Variants in CCDC175 observed in about 807,000 individuals in gnomAD.
CCDC175 encodes the protein coiled-coil domain-containing protein 175.
In CCDC175, 100 loss-of-function variants were observed where a neutral mutation model predicts 114.6. The ratio of observed to expected loss-of-function variants is 0.87; its 90% CI spans 0.74 to 1.03. CCDC175 has a LOEUF of 1.03. CCDC175 is among the 50% of genes least tolerant of loss of function. The pLI, the probability that CCDC175 is intolerant of heterozygous loss-of-function variation, is 0.00. For missense variants in CCDC175, 880 were observed against 917.8 expected (o/e 0.96, Z 0.53); for synonymous variants, 306 against 308.7 (o/e 0.99, Z 0.09).
intron 15 of CCDC175, among the ~76,000 whole-genome samples, chr14:59,526,081 T>G (rs1158047111): frequency 1.3e-5 from 2 of 152,214 alleles, no homozygotes; most frequent in African/African-American, 4.8e-5. Flanking sequence ...TAATGTTTCT[T>G]GAAGAAAGAA....
intron 4 of CCDC175, among the ~76,000 whole-genome samples, chr14:59,565,938 A>G (rs947961227): frequency 5.9e-5 from 9 of 152,178 alleles, no homozygotes; most frequent in Non-Finnish European, 1.3e-4. Context: ...ATGTATTGTC[A>G]TCATGTCTAT....
At position 59,572,770 on chromosome 14, in the gene CCDC175, C is replaced by T; in HGVS notation, c.287G>A (p.Ser96Asn). Residue 96 changes from serine (S) to asparagine (N), a missense_variant, in exon 3 of 20, where the codon AGC becomes AAC. Coordinates refer to ENST00000537690, the MANE Select transcript of CCDC175 (RefSeq NM_001164399.2). ...KATIDLLEIE[S>N]MELNKLYYLL... ...ATAGTATAGTTTGTTGAGTTCCATG[C>T]TTTCAATCTCCAAAAGATCGATTGT... The T allele has an allele frequency of 1.3e-6, 2 of 1,517,604 alleles. No homozygotes were observed. Among genetic ancestry groups the T allele is most frequent in the Non-Finnish European group, 1.8e-6 (2 of 1,142,152 alleles). The allele number at this position is 1,517,604 out of a possible 1,614,324, so 94.0% of individuals were successfully genotyped here. A position where few individuals can be genotyped will look rare whatever the true frequency, so the allele number is the denominator to read the frequency against.
intron 14 of CCDC175, 35 bp from the exon 15 acceptor site, chr14:59,527,209 A>T (rs1233619433): frequency 9.1e-7 from 1 of 1,097,426 alleles, no homozygotes; most frequent in South Asian, 1.6e-5. Flanking sequence ...CTACCTCAAA[A>T]ATTTAGTTAA....
chr14:59,522,062 A>G (rs991707932), intron 16 of CCDC175, among the ~76,000 whole-genome samples: 2 of 152,274 alleles, frequency 1.3e-5, no homozygotes, highest in Non-Finnish European at 2.9e-5. Flanking sequence ...GTAAGACCTC[A>G]GAGAGATGAT....
In CCDC175 at chr14:59,553,348, C is replaced by A. The variant is rs558597637; in HGVS notation, c.954-1912G>T. Among the ~76,000 whole-genome samples, 11 of 152,320 alleles carry A rather than the reference C, an allele frequency of 7.2e-5. No individual in the cohort carries two copies. The East Asian group carries it at 7.7e-4, about 11-fold the overall frequency. On this transcript the variant is annotated intron_variant, in intron 7 of 19. Coordinates refer to ENST00000537690, the MANE Select transcript of CCDC175 (RefSeq NM_001164399.2). ...GGAAAGAATTTTCAACCCAGAATTTCATATCCAGCCAAACTAAGCTTCATA... is the reference window on the plus strand; with the variant it reads ...GGAAAGAATTTTCAACCCAGAATTTAATATCCAGCCAAACTAAGCTTCATA...
At chr14:59,530,525 A>G (rs1406619146) in intron 14 of CCDC175, among the ~76,000 whole-genome samples, 3 of 151,994 alleles carry the variant, frequency 2.0e-5, no homozygotes, top group Non-Finnish European at 4.4e-5. Context: ...ATGTATTGTA[A>G]GTCTGGGTAA....
intron 4 of CCDC175, among the ~76,000 whole-genome samples, chr14:59,567,470 G>C (rs533913646): frequency 1.2e-4 from 19 of 152,128 alleles, no homozygotes; most frequent in Middle Eastern, 3.4e-3. Context: ...CTATGATAAG[G>C]GCTCTTTGTG....
At chr14:59,506,794 C>G (rs1384605308) in intron 19 of CCDC175, among the ~76,000 whole-genome samples, 1 of 151,862 alleles carries the variant, frequency 6.6e-6, no homozygotes, top group African/African-American at 2.4e-5. Context: ...TGTATCAAGC[C>G]CCTCATCACA....
intron 8 of CCDC175, among the ~76,000 whole-genome samples, chr14:59,546,719 T>G (rs1271180655): frequency 6.6e-6 from 1 of 151,994 alleles, no homozygotes; most frequent in Non-Finnish European, 1.5e-5. Flanking sequence ...TCCAAAGAGC[T>G]TCACCCTTTG....
chr14:59,557,631 G>A (rs1304850180), intron 7 of CCDC175, among the ~76,000 whole-genome samples: 36 of 144,778 alleles, frequency 2.5e-4, no homozygotes, highest in Non-Finnish European at 2.7e-4. Context: ...AAAAGAAAAA[G>A]AAAAAAAAAA....
intron 16 of CCDC175, among the ~76,000 whole-genome samples, chr14:59,522,377 G>C (rs190670900): frequency 8.5e-5 from 13 of 152,286 alleles, no homozygotes; most frequent in African/African-American, 2.4e-4. Context: ...GTTTCTAAGC[G>C]TGTATTATAG....
At chr14:59,508,792 A>G (rs1171534588) in intron 19 of CCDC175, among the ~76,000 whole-genome samples, 2 of 152,026 alleles carry the variant, frequency 1.3e-5, no homozygotes, top group Non-Finnish European at 2.9e-5. Flanking sequence ...GCACCATTCT[A>G]TGAACCAGAA....
At chr14:59,553,986 A>C (rs1895702233) in intron 7 of CCDC175, among the ~76,000 whole-genome samples, 1 of 152,196 alleles carries the variant, frequency 6.6e-6, no homozygotes, top group Non-Finnish European at 1.5e-5. Flanking sequence ...AGACCTGGAA[A>C]GAGACTTAGA....
intron 8 of CCDC175, among the ~76,000 whole-genome samples, chr14:59,548,315 GA>G (rs1895239924): frequency 1.3e-5 from 2 of 152,100 alleles, no homozygotes; most frequent in South Asian, 2.1e-4. Flanking sequence ...GAGATGCTGG[GA>G]AAAAAAGGTA....
chr14:59,522,481 C>G (rs978466408), intron 16 of CCDC175, among the ~76,000 whole-genome samples: 1 of 152,176 alleles, frequency 6.6e-6, no homozygotes, highest in African/African-American at 2.4e-5. Flanking sequence ...CTTAAGCCAA[C>G]CGCAAGGCCA....
intron 7 of CCDC175, among the ~76,000 whole-genome samples, chr14:59,559,257 C>A (rs1310560267): frequency 6.6e-6 from 1 of 152,082 alleles, no homozygotes; most frequent in Non-Finnish European, 1.5e-5. Context: ...CCAAAGAAAC[C>A]CCATAGCGAA....
intron 14 of CCDC175, among the ~76,000 whole-genome samples, chr14:59,530,154 G>T (rs926163571): frequency 2.6e-5 from 4 of 151,960 alleles, no homozygotes; most frequent in African/African-American, 4.8e-5. Flanking sequence ...ACCTCATGAG[G>T]CCAGGAGTTC....
At position 59,540,696 on chromosome 14, in the gene CCDC175, A is replaced by T; in HGVS notation, c.1334T>A (p.Leu445Gln). 8.1e-7 allele frequency: 1 copy of T among 1,233,952 alleles called. No homozygotes were observed. Among genetic ancestry groups the T allele is most frequent in the Admixed American group, 2.6e-5 (1 of 38,210 alleles). The allele number at this position is 1,233,952 out of a possible 1,614,324, so 76.4% of individuals were successfully genotyped here. A position where few individuals can be genotyped will look rare whatever the true frequency, so the allele number is the denominator to read the frequency against. ...QQQIKILSAN[L>Q]ERESQRCVIT... ...TTACCATCTCTGACTTTCTCTTTCCAGGTTAGCACTCAGGATTTTGATTTG... is the reference window on the plus strand; with the variant it reads ...TTACCATCTCTGACTTTCTCTTTCCTGGTTAGCACTCAGGATTTTGATTTG... The change falls in exon 11 of 20, where the codon CTG becomes CAG. Residue 445 changes from leucine (L) to glutamine (Q), a missense_variant. Leu to Gln is a moderately radical substitution (Grantham distance 113). Transcript: ENST00000537690.
chr14:59,508,100 G>A (rs900248756), intron 19 of CCDC175, among the ~76,000 whole-genome samples: 21 of 151,888 alleles, frequency 1.4e-4, no homozygotes, highest in Non-Finnish European at 4.4e-5. Flanking sequence ...AGCTGCTGGC[G>A]GACAATCACC....
Sources: allele counts gnomAD v4.1 joint callset (sites outside exome capture counted in the v4.1 genomes callset), GRCh38; gene constraint gnomAD v4.1.1; transcripts MANE v1.5; gene names NCBI Gene and HGNC (gene_info 2026-07-23, HGNC 2026-07-21).